The following EFEMP2 variants were observed in gnomAD, a reference collection of about 807,000 sequenced individuals.
EFEMP2 encodes EGF-like fibulin extracellular matrix protein 2.
Under a neutral mutation model 55.3 loss-of-function variants are expected in EFEMP2, and 21 were observed. The observed-to-expected ratio is 0.38, with a 90% CI of 0.27 to 0.55. The LOEUF is 0.55. Among genes scored for constraint, EFEMP2 ranks in the 20% least tolerant of loss-of-function variants. EFEMP2 has a pLI of 0.77. For missense variants in EFEMP2, 513 were observed against 615.1 expected, an observed-to-expected ratio of 0.83 and a Z score of 1.76; for synonymous variants, 275 against 242.3, an observed-to-expected ratio of 1.14 and a Z score of -1.25.
At position 65,868,492 on chromosome 11, in the gene EFEMP2, C is replaced by T; in HGVS notation, c.847+18G>A. The T allele has an allele frequency of 6.2e-7, 1 of 1,613,910 alleles. No homozygotes were observed. Among genetic ancestry groups the T allele is most frequent in the East Asian group, 2.2e-5 (1 of 44,892 alleles). On this transcript the variant is annotated intron_variant, in intron 8 of 10. Coordinates refer to ENST00000307998, the MANE Select transcript of EFEMP2 (RefSeq NM_016938.5). ...GCTCCTGACACCGTCCTGCCCATCC[C>T]ACCCGGGCAACCTGTACCTTGGCAG... is the stretch of plus-strand genomic sequence containing the variant.
In EFEMP2 at chr11:65,868,303, G is replaced by C. The variant is rs1266555258; in HGVS notation, c.966C>G (p.Val322=). ...TNRCVEPYIQ[V]SENRCLCPAS... is the part of the protein sequence containing the mutation. ...GCATCGAATTGACTCACTTCTCAGA[G>C]ACCTGGATGTAGGGCTCCACGCAGC... The change falls in exon 9 of 11, where the codon GTC becomes GTG. Residue 322 remains valine, a synonymous_variant. Coordinates refer to ENST00000307998, the MANE Select transcript of EFEMP2 (RefSeq NM_016938.5). 1 of 1,613,722 alleles carries C rather than the reference G, an allele frequency of 6.2e-7. No individual in the cohort carries two copies. The highest frequency in any genetic ancestry group is 8.5e-7 in the Non-Finnish European group (1 of 1,180,028).
At position 65,866,828 on chromosome 11, in the gene EFEMP2, C is replaced by A. The variant is rs1176832623; in HGVS notation, c.*90G>T. The A allele has an allele frequency of 3.3e-6, 5 of 1,534,048 alleles. No homozygotes were observed. The highest frequency in any genetic ancestry group is 4.5e-6 in the Non-Finnish European group (5 of 1,119,364). ...CGCCCACCTCAGCCACCAGGACTTT[C>A]TTTCTCCCTTTATTGCCTTTCTCAT... On this transcript the variant is annotated 3_prime_UTR_variant, in exon 11 of 11. Transcript: ENST00000307998.
chr11:65,872,404 A>G, intron 1 of EFEMP2, 43 bp from the exon 2 acceptor site: 1 of 1,376,872 alleles, frequency 7.3e-7, no homozygotes, highest in Non-Finnish European at 1.0e-6. Flanking sequence ...TGCCCGCGGC[A>G]CCTCAACTCC....
rs754003433 is a variant in EFEMP2 at position 65,871,231 on chromosome 11, G to T, written c.293C>A (p.Pro98Gln). 1.2e-6 allele frequency: 2 copies of T among 1,613,966 alleles called. No individual in the cohort carries two copies. Among genetic ancestry groups the T allele is most frequent in the African/African-American group, 2.7e-5 (2 of 74,936 alleles). ...GGGGTGTTGAGCGGGAGGCACTGGT[G>T]GCGGGGGTCCCTCGCCGTGTAGGTC... ...INDLHGEGPP[P>Q]PVPPAQHPNP... Residue 98 changes from proline to glutamine, a missense_variant, in exon 4 of 11, where the codon CCA becomes CAA. Transcript: ENST00000307998.
chr11:65,868,430 G>A lies in EFEMP2; in HGVS notation c.848-9C>T. 6 of 1,613,950 alleles carry A rather than the reference G, an allele frequency of 3.7e-6. No individual in the cohort carries two copies. The highest frequency in any genetic ancestry group is 5.1e-6 in the Non-Finnish European group (6 of 1,180,030). ...CTCACACTCATCAATGTCTGTGCCA[G>A]GGGAGAGGGGCTGGAATCGGGGGCG... is the stretch of plus-strand genomic sequence containing the variant. On this transcript the variant is annotated splice_polypyrimidine_tract_variant and intron_variant, in intron 8 of 10. Transcript: ENST00000307998.
Position 65,866,580 on chromosome 11 carries a change from C to T in EFEMP2, c.*338G>A, listed in dbSNP as rs1859844694. 1 of 702,852 alleles carries T rather than the reference C, an allele frequency of 1.4e-6. No homozygotes were observed. Among genetic ancestry groups the T allele is most frequent in the East Asian group, 2.7e-5 (1 of 37,278 alleles). 43.5% of individuals were successfully genotyped at this position (702,852 alleles called of 1,614,324 possible). On this transcript the variant is annotated 3_prime_UTR_variant, in exon 11 of 11. Transcript: ENST00000307998. ...GTCCAGAGTGGAGTTTCTTAGGACC[C>T]CTGCAAGCCAGCCAAGTCCAAATCT...
At chr11:65,867,263 G>A in intron 10 of EFEMP2, 184 bp from the exon 11 acceptor site, 1 of 669,882 alleles carries the variant, frequency 1.5e-6, no homozygotes, top group East Asian at 2.7e-5. Context: ...CCAGGCTCCT[G>A]CCCTCAGAAA....
At chr11:65,871,577 C>T (rs1481856314) in intron 3 of EFEMP2, 6 of 614,194 alleles carry the variant, frequency 9.8e-6, no homozygotes, top group Middle Eastern at 4.3e-4. Context: ...CCCTCATTCT[C>T]GGCCTGCAAG....
At chr11:65,872,070 G>A in intron 2 of EFEMP2, 52 bp from the exon 3 acceptor site, 2 of 1,550,216 alleles carry the variant, frequency 1.3e-6, no homozygotes. Context: ...TCCTCCAACT[G>A]GCCAGGCCAA....
At chr11:65,872,477 G>A in intron 1 of EFEMP2, 116 bp from the exon 2 acceptor site, 3 of 692,996 alleles carry the variant, frequency 4.3e-6, no homozygotes, top group Non-Finnish European at 7.4e-6. Flanking sequence ...TTGGGCCTCG[G>A]GGCCTCCCAG....
In EFEMP2 at chr11:65,872,769, C is replaced by A; in HGVS notation, c.-94G>T. On this transcript the variant is annotated 5_prime_UTR_variant, in exon 1 of 11. Transcript: ENST00000307998. ...TGCGGGCAGACGGACGGGCGGACGG[C>A]ACAGCTCCCTGGACGCGCGGCCCCA... 1 of 288,530 alleles carries A rather than the reference C, an allele frequency of 3.5e-6. No homozygotes were observed. 17.9% of individuals were successfully genotyped at this position (288,530 alleles called of 1,614,324 possible).
intron 7 of EFEMP2, 78 bp from the exon 8 acceptor site, chr11:65,868,707 G>T: frequency 1.3e-6 from 2 of 1,588,478 alleles, no homozygotes; most frequent in Non-Finnish European, 8.6e-7. Flanking sequence ...TCCCAAGAAG[G>T]CCCAGCCCCA....
chr11:65,867,656 C>A, intron 10 of EFEMP2: 1 of 637,532 alleles, frequency 1.6e-6, no homozygotes, highest in South Asian at 1.8e-5. Context: ...GACTCAAACT[C>A]CCGTGTCCGA....
intron 3 of EFEMP2, 44 bp downstream of exon 3, chr11:65,871,926 C>A: frequency 6.4e-7 from 1 of 1,550,998 alleles, no homozygotes; most frequent in Non-Finnish European, 8.7e-7. Context: ...CTATCAATCC[C>A]TTTCCGGGTT....
chr11:65,872,442 C>T, intron 1 of EFEMP2, 81 bp from the exon 2 acceptor site: 1 of 964,738 alleles, frequency 1.0e-6, no homozygotes, highest in Non-Finnish European at 1.6e-6. Context: ...GCCCAGCCCC[C>T]GCCACTGCCC....
chr11:65,867,995 G>A lies in EFEMP2; in HGVS notation c.1036C>T (p.Arg346Cys), dbSNP rs1475825074. Residue 346 changes from arginine to cysteine, a missense_variant, in exon 10 of 11, where the codon CGC (arginine) becomes TGC (cysteine). Arg to Cys is a radical substitution (Grantham distance 180). Coordinates refer to ENST00000307998, the MANE Select transcript of EFEMP2 (RefSeq NM_016938.5). ...CGCTCCGAGGTGATGGTCATGTAGC[G>A]GTGCACAATGGATGAAGGCTGCTCT... ...CREQPSSIVH[R>C]YMTITSERSV... 1.9e-6 allele frequency: 3 copies of A among 1,614,060 alleles called. No individual in the cohort carries two copies. The highest frequency in any genetic ancestry group is 1.7e-5 in the Admixed American group (1 of 60,026).
chr11:65,866,883 G>C lies in EFEMP2; in HGVS notation c.*35C>G. 1 of 1,612,814 alleles carries C rather than the reference G, an allele frequency of 6.2e-7. No individual in the cohort carries two copies. The highest frequency in any genetic ancestry group is 8.5e-7 in the Non-Finnish European group (1 of 1,179,050). On this transcript the variant is annotated 3_prime_UTR_variant, in exon 11 of 11. Coordinates refer to ENST00000307998, the MANE Select transcript of EFEMP2 (RefSeq NM_016938.5). ...CCCCTCACAACAGGCTCCTCAGCTA[G>C]GGTAGCTGCAGGGAGGGTGGCTCCC...
intron 5 of EFEMP2, 27 bp from the exon 6 acceptor site, chr11:65,870,264 G>A (rs1233591959): frequency 6.3e-7 from 1 of 1,597,136 alleles, no homozygotes; most frequent in Admixed American, 1.7e-5. Flanking sequence ...GAGAAGGAGG[G>A]CGGAGGGCAG....
At chr11:65,872,387 G>C in intron 1 of EFEMP2, 26 bp from the exon 2 acceptor site, 1 of 1,492,524 alleles carries the variant, frequency 6.7e-7, no homozygotes, top group Non-Finnish European at 9.1e-7. Context: ...CACGGGTCAG[G>C]GGCCTCTGCC....
Sources: allele counts gnomAD v4.1 joint callset, GRCh38; gene constraint gnomAD v4.1.1; transcripts MANE v1.5; gene names NCBI Gene and HGNC (gene_info 2026-07-23, HGNC 2026-07-21).